The following AVPI1 variants were observed in gnomAD, a reference collection of about 807,000 sequenced individuals.
AVPI1 encodes the protein arginine vasopressin induced 1.
A neutral mutation model predicts 11.9 loss-of-function variants in AVPI1; 9 were observed. That is an observed-to-expected ratio of 0.76 (90% confidence interval 0.46 to 1.32). The LOEUF (loss-of-function observed/expected upper bound fraction) is 1.32. Ranked by LOEUF, AVPI1 falls within the 40% of genes most tolerant of loss-of-function variation. AVPI1 has a pLI of 0.00. For synonymous variants in AVPI1, 68 were observed against 78.1 expected (o/e 0.87, Z 0.68); for missense variants, 207 against 195.8 (o/e 1.06, Z -0.34).
intron 1 of AVPI1, among the ~76,000 whole-genome samples, chr10:97,686,196 C>T (rs550170924): frequency 1.4e-4 from 22 of 152,124 alleles, no homozygotes; most frequent in Non-Finnish European, 2.9e-4. Context: ...AAGTTTGTGA[C>T]GGCATTCCTT....
Position 97,679,704 on chromosome 10 carries a change from C to T in AVPI1, c.202G>A (p.Ala68Thr), listed in dbSNP as rs762696141. 3 of 1,614,070 alleles carry T rather than the reference C, an allele frequency of 1.9e-6. No homozygotes were observed. The highest frequency in any genetic ancestry group is 2.7e-5 in the African/African-American group (2 of 74,952). Reference sequence around the variant, plus strand: ...CTGCGCAGCCTCTTGAGGGCCTCAGCCACACGGTGGTCCCCTGCACATTCC... The same window carrying T: ...CTGCGCAGCCTCTTGAGGGCCTCAGTCACACGGTGGTCCCCTGCACATTCC... The part of the protein sequence containing the change: ...IWECAGDHRV[A>T]EALKRLRRKR... The change falls in exon 2 of 3, where the codon GCT becomes ACT. Residue 68 changes from alanine to threonine, a missense_variant. Physicochemically the swap from Ala to Thr is moderately conservative, Grantham distance 58 (BLOSUM62 0). Coordinates refer to ENST00000370626, the MANE Select transcript of AVPI1 (RefSeq NM_021732.3).
Position 97,679,725 on chromosome 10 carries a change from A to G in AVPI1, c.181T>C (p.Cys61Arg), listed in dbSNP as rs368833475. 7.4e-6 allele frequency: 12 copies of G among 1,613,994 alleles called. No individual in the cohort carries two copies. The highest frequency in any genetic ancestry group is 4.0e-5 in the African/African-American group (3 of 74,918). The change falls in exon 2 of 3, where the codon TGT (cysteine) becomes CGT (arginine). Residue 61 changes from cysteine (C) to arginine (R), a missense_variant. By Grantham distance (180) the Cys-to-Arg change is radical. Coordinates refer to ENST00000370626, the MANE Select transcript of AVPI1 (RefSeq NM_021732.3). ...TCAGCCACACGGTGGTCCCCTGCAC[A>G]TTCCCAGATGATCTGTGCCCGTTCC... ...AEERAQIIWE[C>R]AGDHRVAEAL...
chr10:97,683,324 A>AT (rs2041713817), intron 1 of AVPI1, among the ~76,000 whole-genome samples: 1 of 151,896 alleles, frequency 6.6e-6, no homozygotes, highest in Admixed American at 6.6e-5. Flanking sequence ...CTCCCGACTA[A>AT]TTTTTTGTAT....
chr10:97,678,910 T>TTTTCA (rs1229669394), intron 2 of AVPI1, among the ~76,000 whole-genome samples: 5 of 27,114 alleles, frequency 1.8e-4, no homozygotes, highest in Non-Finnish European at 3.0e-4. Context: ...TGTGTGTGTG[T>TTTTCA]GTGTGTGTGT....
intron 2 of AVPI1, among the ~76,000 whole-genome samples, chr10:97,678,966 TG>T (rs2041686271): frequency 1.4e-5 from 1 of 72,576 alleles, no homozygotes; most frequent in Non-Finnish European, 2.9e-5. Flanking sequence ...TGTGTGTGTG[TG>T]TGTGTGTGTG....
In AVPI1 at chr10:97,677,980, T is replaced by C. The variant is rs2041675253; in HGVS notation, c.333A>G (p.Thr111=). The change falls in exon 3 of 3, where the codon ACA becomes ACG. Residue 111 remains threonine (T), a synonymous_variant. Coordinates refer to ENST00000370626, the MANE Select transcript of AVPI1 (RefSeq NM_021732.3). ...GATACTGCTCACTGGAGGCTGTCTC[T>C]GTGGCACTCTGTGGGTTGGCCAGTG... is the stretch of plus-strand genomic sequence containing the variant. ...HSALANPQSA[T]ETASSEQYLH... is the part of the protein sequence containing the mutation. The C allele has an allele frequency of 6.2e-7, 1 of 1,614,188 alleles. No individual in the cohort carries two copies. Among genetic ancestry groups the C allele is most frequent in the East Asian group, 2.2e-5 (1 of 44,882 alleles).
At position 97,677,677 on chromosome 10, in the gene AVPI1, G is replaced by C. The variant is rs1048802873; in HGVS notation, c.*192C>G. The C allele has an allele frequency of 1.7e-6, 1 of 601,494 alleles. No individual in the cohort carries two copies. The highest frequency in any genetic ancestry group is 2.9e-6 in the Non-Finnish European group (1 of 350,008). The allele number at this position is 601,494 out of a possible 1,614,324, so 37.3% of individuals were successfully genotyped here. On this transcript the variant is annotated 3_prime_UTR_variant, in exon 3 of 3. Transcript: ENST00000370626. ...AGTCACTGTCTCTCCTCATTTTGGT[G>C]AGGAATGGGTCCCACATAATGGAGA...
At chr10:97,681,555 C>A (rs2041703828) in intron 1 of AVPI1, among the ~76,000 whole-genome samples, 1 of 150,874 alleles carries the variant, frequency 6.6e-6, no homozygotes, top group Non-Finnish European at 1.5e-5. Context: ...GCACTCCAGC[C>A]TGGGCAACAA....
chr10:97,678,928 T>TTTTCAGA, intron 2 of AVPI1, among the ~76,000 whole-genome samples: 1 of 19,504 alleles, frequency 5.1e-5, no homozygotes, highest in Non-Finnish European at 1.1e-4. Context: ...TGTGTGTGTG[T>TTTTCAGA]GTGTGTGTGT....
At chr10:97,678,918 T>TCGCC (rs1564779825) in intron 2 of AVPI1, among the ~76,000 whole-genome samples, 2 of 13,100 alleles carry the variant, frequency 1.5e-4, no homozygotes, top group East Asian at 1.7e-3. Context: ...TGTGTGTGTG[T>TCGCC]GTGTGTGTGT....
chr10:97,678,103 G>A (rs1478223237), intron 2 of AVPI1, 78 bp from the exon 3 acceptor site: 1 of 1,476,946 alleles, frequency 6.8e-7, no homozygotes, highest in Admixed American at 1.8e-5. Context: ...TCGTCATGGT[G>A]GACCATAAAA....
Position 97,679,875 on chromosome 10 carries a change from G to A in AVPI1, c.31C>T (p.Pro11Ser), listed in dbSNP as rs1564780465. Residue 11 changes from proline to serine, a missense_variant, in exon 2 of 3, where the codon CCA becomes TCA. Transcript: ENST00000370626. Reference sequence around the variant, plus strand: ...TCAATCGGGGCCTGCCAAGGGGGTGGCTCACTGACCACCGAGGCTGGGGTA... The same window carrying A: ...TCAATCGGGGCCTGCCAAGGGGGTGACTCACTGACCACCGAGGCTGGGGTA... MGTPASVVSE[P>S]PPWQAPIEAR... 10 of 1,592,938 alleles carry A rather than the reference G, an allele frequency of 6.3e-6. No individual in the cohort carries two copies. The East Asian group carries it at 2.0e-4, about 32-fold the overall frequency.
At chr10:97,681,450 C>T (rs538564413) in intron 1 of AVPI1, among the ~76,000 whole-genome samples, 2 of 152,022 alleles carry the variant, frequency 1.3e-5, no homozygotes, top group South Asian at 4.2e-4. Flanking sequence ...GGCGTGGTGG[C>T]GCATGCCTGT....
In AVPI1 at chr10:97,679,840, GC is replaced by G. The variant is rs1316619554; in HGVS notation, c.65del (p.Gly22AlafsTer147). The part of the protein sequence containing the change: ...PPWQAPIEAR[G>X]RKQASANIFQ... ...AGATGTTGGCCGAGGCCTGCTTGCG[GC>G]CCCGGGCCTCAATCGGGGCCTGCCA... On this transcript the variant is annotated frameshift_variant, in exon 2 of 3. Coordinates refer to ENST00000370626, the MANE Select transcript of AVPI1 (RefSeq NM_021732.3). LOFTEE classifies it high-confidence loss of function. 2 of 1,608,064 alleles carry G rather than the reference GC, an allele frequency of 1.2e-6. No individual in the cohort carries two copies. The highest frequency in any genetic ancestry group is 1.1e-5 in the South Asian group (1 of 90,048).
intron 1 of AVPI1, among the ~76,000 whole-genome samples, chr10:97,684,728 G>A (rs1248723034): frequency 1.3e-5 from 2 of 151,968 alleles, no homozygotes; most frequent in Non-Finnish European, 2.9e-5. Flanking sequence ...TTGAACTCCC[G>A]ACCTCAAGTG....
chr10:97,679,675 C>T lies in AVPI1; in HGVS notation c.231G>A (p.Lys77=), dbSNP rs1458571078. The T allele has an allele frequency of 1.2e-6, 2 of 1,614,104 alleles. No individual in the cohort carries two copies. Among genetic ancestry groups the T allele is most frequent in the Non-Finnish European group, 1.7e-6 (2 of 1,179,996 alleles). ...VAEALKRLRR[K]RPPRQKPLGH... is the part of the protein sequence containing the mutation. ...CCAGGGGTTTCTGCCTTGGGGGCCTCTTCCTGCGCAGCCTCTTGAGGGCCT... is the reference window on the plus strand; with the variant it reads ...CCAGGGGTTTCTGCCTTGGGGGCCTTTTCCTGCGCAGCCTCTTGAGGGCCT... Residue 77 remains lysine (K), a synonymous_variant, in exon 2 of 3, where the codon AAG becomes AAA. Transcript: ENST00000370626.
At chr10:97,686,093 G>A (rs918064270) in intron 1 of AVPI1, among the ~76,000 whole-genome samples, 2 of 152,136 alleles carry the variant, frequency 1.3e-5, no homozygotes, top group African/African-American at 4.8e-5. Flanking sequence ...GACCAGCCTG[G>A]TCAACATAGC....
rs2041725516 is a variant in AVPI1, at chr10:97,685,729, C to A, written c.-11+1037G>T. On this transcript the variant is annotated intron_variant, in intron 1 of 2. Transcript: ENST00000370626. Reference sequence around the variant, plus strand: ...CAGTTCAAATCGCTGTGTGGGCTTCCCCACCAGCAGGGCCTAGCCTCAGGG... The same window carrying A: ...CAGTTCAAATCGCTGTGTGGGCTTCACCACCAGCAGGGCCTAGCCTCAGGG... Among the ~76,000 whole-genome samples the A allele has an allele frequency of 2.6e-5, 4 of 152,138 alleles. No individual in the cohort carries two copies. The South Asian group carries it at 8.3e-4, about 31-fold the overall frequency.
intron 1 of AVPI1, among the ~76,000 whole-genome samples, chr10:97,684,497 C>CTT (rs5787253): frequency 0.35 from 41,537 of 117,444 alleles, 8,559 homozygotes; most frequent in South Asian, 0.44. Context: ...TCTTTTTACT[C>CTT]TTTTTTTTTT....
Sources: allele counts gnomAD v4.1 joint callset (sites outside exome capture counted in the v4.1 genomes callset), GRCh38; gene constraint gnomAD v4.1.1; transcripts MANE v1.5; gene names NCBI Gene and HGNC (gene_info 2026-07-23, HGNC 2026-07-21).